The following PDE1C variants were observed in gnomAD, a reference collection of about 807,000 sequenced individuals.
The protein encoded by PDE1C is phosphodiesterase 1C.
PDE1C carries 62 observed loss-of-function variants against 93.1 expected under a neutral mutation model. The ratio of observed to expected loss-of-function variants is 0.67; its 90% CI spans 0.54 to 0.82. The LOEUF is 0.82. Ranked by LOEUF, PDE1C falls within the 40% of genes least tolerant of loss-of-function variation. The pLI is 0.00. For missense variants in PDE1C, 742 were observed against 884.6 expected, an observed-to-expected ratio of 0.84 and a Z score of 2.04; for synonymous variants, 325 against 310.1, an observed-to-expected ratio of 1.05 and a Z score of -0.50.
intron 12 of PDE1C, 70 bp downstream of exon 12, chr7:31,828,222 G>T: frequency 8.1e-7 from 1 of 1,234,172 alleles, no homozygotes; most frequent in Non-Finnish European, 1.2e-6. Context: ...AGAACCACTG[G>T]GATCATCTGT....
chr7:31,747,315 T>C (rs1794027390), downstream of PDE1C, among the ~76,000 whole-genome samples: 2 of 152,186 alleles, frequency 1.3e-5, no homozygotes, highest in East Asian at 3.9e-4. Context: ...TTTAACCCAT[T>C]GGCTAATCAA....
At chr7:32,334,726 T>C (rs545637433) in intron 1 of PDE1C, among the ~76,000 whole-genome samples, 3 of 147,460 alleles carry the variant, frequency 2.0e-5, no homozygotes, top group African/African-American at 7.4e-5. Context: ...ACAAAGGCTA[T>C]GAAATAGTAT....
intron 2 of PDE1C, among the ~76,000 whole-genome samples, chr7:31,925,528 A>G (rs1472278384): frequency 1.3e-5 from 2 of 152,182 alleles, no homozygotes; most frequent in African/African-American, 2.4e-5. Flanking sequence ...TGTGTTTTAA[A>G]AAGTATTTAC....
At chr7:31,988,435 G>A (rs1584343501) in intron 2 of PDE1C, among the ~76,000 whole-genome samples, 1 of 152,310 alleles carries the variant, frequency 6.6e-6, no homozygotes, top group South Asian at 2.1e-4. Flanking sequence ...TACCTTACCT[G>A]CCTCCTCTAT....
chr7:32,128,010 A>G (rs1362765917), intron 3 of PDE1C, among the ~76,000 whole-genome samples: 1 of 151,970 alleles, frequency 6.6e-6, no homozygotes, highest in Non-Finnish European at 1.5e-5. Context: ...ATGTTATACT[A>G]ATGTAGGACA....
chr7:32,263,456 T>C (rs1810360696), intron 1 of PDE1C, among the ~76,000 whole-genome samples: 4 of 152,176 alleles, frequency 2.6e-5, no homozygotes, highest in Admixed American at 2.6e-4. Flanking sequence ...ACATACATTA[T>C]GGCCTTTTAC....
intron 2 of PDE1C, among the ~76,000 whole-genome samples, chr7:32,006,916 A>T (rs777335315): frequency 2.0e-5 from 3 of 152,200 alleles, no homozygotes; most frequent in Non-Finnish European, 4.4e-5. Flanking sequence ...TAAGCAAGAC[A>T]AAAGTACCAA....
At chr7:31,948,709 G>C (rs572757388) in intron 2 of PDE1C, among the ~76,000 whole-genome samples, 2 of 152,082 alleles carry the variant, frequency 1.3e-5, no homozygotes, top group Non-Finnish European at 2.9e-5. Flanking sequence ...TGTTGGTTTT[G>C]GGTGTTTTTT....
chr7:32,327,783 A>G, intron 1 of PDE1C, among the ~76,000 whole-genome samples: 1 of 151,620 alleles, frequency 6.6e-6, no homozygotes, highest in Non-Finnish European at 1.5e-5. Context: ...AAAAAAAAAA[A>G]AAAAAAAGAG....
At chr7:32,247,696 A>T (rs1375608775) in intron 1 of PDE1C, among the ~76,000 whole-genome samples, 1 of 152,198 alleles carries the variant, frequency 6.6e-6, no homozygotes, top group East Asian at 1.9e-4. Context: ...TGAGATACTC[A>T]ACACTGTTTT....
chr7:31,818,447 C>T (rs1452196427), intron 14 of PDE1C, among the ~76,000 whole-genome samples: 1 of 152,106 alleles, frequency 6.6e-6, no homozygotes, highest in Non-Finnish European at 1.5e-5. Flanking sequence ...AGCATGGTGC[C>T]TGGTGCGTAG....
At chr7:32,250,353 C>T (rs1809275770) in intron 1 of PDE1C, among the ~76,000 whole-genome samples, 1 of 152,200 alleles carries the variant, frequency 6.6e-6, no homozygotes, top group Non-Finnish European at 1.5e-5. Context: ...GACTCAAAAA[C>T]ATGGGCTTTG....
chr7:32,406,922 C>G (rs1224070603), intron 1 of PDE1C, among the ~76,000 whole-genome samples: 1 of 152,124 alleles, frequency 6.6e-6, no homozygotes, highest in African/African-American at 2.4e-5. Flanking sequence ...CCAACGATAG[C>G]AAGGGAGTCA....
intron 16 of PDE1C, among the ~76,000 whole-genome samples, chr7:31,790,946 A>G (rs1053101850): frequency 6.6e-6 from 1 of 152,112 alleles, no homozygotes; most frequent in Non-Finnish European, 1.5e-5. Flanking sequence ...AACCCACCAT[A>G]TTATTTCTTC....
downstream of PDE1C, among the ~76,000 whole-genome samples, chr7:31,749,735 A>ATTT (rs776124846): frequency 7.8e-4 from 102 of 131,322 alleles, 22 homozygotes; most frequent in Admixed American, 1.1e-3. Flanking sequence ...CTGTTGTCTA[A>ATTT]TTTTTTTTTT....
intron 1 of PDE1C, among the ~76,000 whole-genome samples, chr7:32,307,017 C>G (rs934132362): frequency 6.6e-6 from 1 of 152,220 alleles, no homozygotes; most frequent in Non-Finnish European, 1.5e-5. Context: ...GCTCTATCAA[C>G]TCTTCTCACC....
At chr7:31,768,378 G>C (rs1183188527) in intron 17 of PDE1C, among the ~76,000 whole-genome samples, 1 of 152,200 alleles carries the variant, frequency 6.6e-6, no homozygotes, top group Non-Finnish European at 1.5e-5. Context: ...CATAATATCT[G>C]TGTCAGTGTA....
chr7:31,833,186 G>A (rs2128755635), intron 11 of PDE1C, among the ~76,000 whole-genome samples: 2 of 152,314 alleles, frequency 1.3e-5, no homozygotes, highest in Middle Eastern at 6.8e-3. Context: ...TTTGCTGGCT[G>A]CCATGTAAGA....
chr7:32,378,352 C>G (rs1021718434), intron 1 of PDE1C, among the ~76,000 whole-genome samples: 2 of 152,122 alleles, frequency 1.3e-5, no homozygotes, highest in Non-Finnish European at 2.9e-5. Context: ...CTAGCCAACC[C>G]CCCTCTTGCT....
Sources: gnomAD v4.1 joint callset for allele counts (sites outside exome capture counted in the v4.1 genomes callset) on GRCh38, gnomAD v4.1.1 for gene constraint, MANE v1.5 for transcripts, NCBI Gene and HGNC (gene_info 2026-07-23, HGNC 2026-07-21) for gene names.